LAIR2: variants seen among roughly 807,000 people sequenced by gnomAD.
LAIR2 encodes leukocyte associated immunoglobulin like receptor 2, also known as leukocyte-associated immunoglobulin-like receptor 2.
A neutral mutation model predicts 14.8 loss-of-function variants in LAIR2; 14 were observed. The observed-to-expected ratio is 0.95, with a 90% CI of 0.62 to 1.48. The LOEUF (loss-of-function observed/expected upper bound fraction) is 1.48, where lower values mean the gene tolerates loss of function less well. LAIR2 is among the 40% of genes most tolerant of loss of function. The probability of loss-of-function intolerance (pLI) is 0.00; values close to 1 mark genes in which losing one functional copy is unlikely to be tolerated. For synonymous variants in LAIR2, 75 were observed against 74.5 expected, an observed-to-expected ratio of 1.01 and a Z score of -0.03; for missense variants, 172 against 180.9, an observed-to-expected ratio of 0.95 and a Z score of 0.28.
intron 2 of LAIR2, among the ~76,000 whole-genome samples, chr19:54,504,438 T>C (rs2085328215): frequency 6.6e-6 from 1 of 152,192 alleles, no homozygotes; most frequent in East Asian, 1.9e-4. Flanking sequence ...TTTTGAAATA[T>C]ATAATAAGTT....
intron 2 of LAIR2, among the ~76,000 whole-genome samples, chr19:54,505,337 C>T (rs1377592795): frequency 1.3e-5 from 2 of 152,150 alleles, no homozygotes; most frequent in Non-Finnish European, 2.9e-5. Context: ...TCTCCATCCT[C>T]CTGGATGCAC....
chr19:54,505,767 G>A (rs915328347), intron 2 of LAIR2, among the ~76,000 whole-genome samples: 4 of 150,682 alleles, frequency 2.7e-5, no homozygotes, highest in East Asian at 1.9e-4. Flanking sequence ...AGGTTCTTTC[G>A]CTTTCTCAAA....
chr19:54,503,641 A>C, intron 1 of LAIR2, 59 bp from the exon 2 acceptor site: 1 of 1,609,238 alleles, frequency 6.2e-7, no homozygotes, highest in South Asian at 1.1e-5. Context: ...CCCTTTTGAC[A>C]GCAGCCCTGT....
At chr19:54,505,801 G>A (rs2085354972) in intron 2 of LAIR2, among the ~76,000 whole-genome samples, 2 of 151,300 alleles carry the variant, frequency 1.3e-5, no homozygotes, top group Admixed American at 6.6e-5. Flanking sequence ...GCTCAACATG[G>A]TGGTTCTTCT....
chr19:54,505,885 G>C (rs374019950), intron 2 of LAIR2, among the ~76,000 whole-genome samples: 4 of 149,770 alleles, frequency 2.7e-5, no homozygotes, highest in African/African-American at 9.9e-5. Context: ...GCAATGGCTC[G>C]GTCTTGGCTT....
chr19:54,507,499 C>T (rs2123397924), intron 2 of LAIR2, among the ~76,000 whole-genome samples: 1 of 152,282 alleles, frequency 6.6e-6, no homozygotes, highest in East Asian at 1.9e-4. Context: ...GCCCTCGCTT[C>T]CCTGTCCCTT....
intron 2 of LAIR2, among the ~76,000 whole-genome samples, chr19:54,504,746 A>C (rs1489663842): frequency 2.0e-5 from 3 of 152,108 alleles, no homozygotes; most frequent in Non-Finnish European, 2.9e-5. Flanking sequence ...AGTAGCTGGG[A>C]TTACAGGTGC....
chr19:54,505,306 G>A (rs1351831509), intron 2 of LAIR2, among the ~76,000 whole-genome samples: 3 of 152,238 alleles, frequency 2.0e-5, no homozygotes, highest in African/African-American at 7.2e-5. Context: ...ACAAAGGGCA[G>A]ACTCTGAACA....
At chr19:54,504,529 G>T (rs1265555514) in intron 2 of LAIR2, among the ~76,000 whole-genome samples, 1 of 152,040 alleles carries the variant, frequency 6.6e-6, no homozygotes, top group Non-Finnish European at 1.5e-5. Context: ...TGTACCATTT[G>T]ATCAGTGTCT....
At chr19:54,507,843 G>C (rs1325070689) in intron 2 of LAIR2, 48 bp from the exon 3 acceptor site, 1 of 1,549,700 alleles carries the variant, frequency 6.5e-7, no homozygotes, top group Non-Finnish European at 8.8e-7. Flanking sequence ...GTGTGGCATG[G>C]TGACTTCCTA....
chr19:54,504,348 A>T (rs1274338303), intron 2 of LAIR2, among the ~76,000 whole-genome samples: 1 of 152,188 alleles, frequency 6.6e-6, no homozygotes, highest in Non-Finnish European at 1.5e-5. Flanking sequence ...CATTGTGGAA[A>T]GATTAAATAA....
intron 2 of LAIR2, among the ~76,000 whole-genome samples, chr19:54,504,387 T>C (rs1478182497): frequency 6.6e-6 from 1 of 152,176 alleles, no homozygotes; most frequent in African/African-American, 2.4e-5. Flanking sequence ...TCACATCACA[T>C]ACTTATTGTG....
chr19:54,510,316 C>T lies in LAIR2; in HGVS notation c.416-210C>T, dbSNP rs2085446885. On this transcript the variant is annotated intron_variant, in intron 4 of 4. Transcript: ENST00000301202. ...GTTCAAATCCCGGTGGTTCTGCCAC[C>T]CCCTGGCTCTATGCCTGACGGTGAC... is the stretch of plus-strand genomic sequence containing the variant. Among the ~76,000 whole-genome samples, 4 of 151,170 alleles carry T rather than the reference C, an allele frequency of 2.6e-5. No homozygotes were observed. The South Asian group carries it at 8.3e-4, about 31-fold the overall frequency.
At chr19:54,503,889 C>A (rs1158333696) in intron 2 of LAIR2, among the ~76,000 whole-genome samples, 154 bp downstream of exon 2, 2 of 152,122 alleles carry the variant, frequency 1.3e-5, no homozygotes, top group Non-Finnish European at 2.9e-5. Context: ...GCATAACCCT[C>A]ACCCCTTTCT....
At chr19:54,509,845 G>A (rs540489979) in intron 4 of LAIR2, among the ~76,000 whole-genome samples, 1 of 151,414 alleles carries the variant, frequency 6.6e-6, no homozygotes, top group East Asian at 1.9e-4. Flanking sequence ...GTCCATCTCC[G>A]CCTGTGATCT....
intron 1 of LAIR2, 40 bp downstream of exon 1, chr19:54,502,992 C>G: frequency 1.3e-6 from 2 of 1,589,110 alleles, no homozygotes; most frequent in East Asian, 2.2e-5. Context: ...GAAAGGGGGT[C>G]GGGAGGTCTG....
chr19:54,503,276 C>T (rs1386695121), intron 1 of LAIR2, among the ~76,000 whole-genome samples: 4 of 151,834 alleles, frequency 2.6e-5, no homozygotes, highest in Non-Finnish European at 4.4e-5. Flanking sequence ...GCCTGGCCAA[C>T]GTGGTGAAAC....
chr19:54,504,888 G>A (rs2085336605), intron 2 of LAIR2, among the ~76,000 whole-genome samples: 1 of 152,122 alleles, frequency 6.6e-6, no homozygotes, highest in Admixed American at 6.5e-5. Flanking sequence ...GGGATTACAG[G>A]TATGAGCCAC....
At chr19:54,508,818 T>C (rs550847701) in intron 3 of LAIR2, among the ~76,000 whole-genome samples, 130 of 152,388 alleles carry the variant, frequency 8.5e-4, no homozygotes, top group African/African-American at 3.1e-3. Context: ...GAAGAGCTTG[T>C]GGTGGGAGGA....
Sources: allele counts gnomAD v4.1 joint callset (sites outside exome capture counted in the v4.1 genomes callset), GRCh38; gene constraint gnomAD v4.1.1; transcripts MANE v1.5; gene names NCBI Gene and HGNC (gene_info 2026-07-23, HGNC 2026-07-21).